The following TET2 variants were observed in gnomAD, a reference collection of about 807,000 sequenced individuals.
The protein encoded by TET2 is tet methylcytosine dioxygenase 2, also known as methylcytosine dioxygenase TET2.
TET2 carries 299 observed loss-of-function variants against 142.9 expected under a neutral mutation model. The observed-to-expected ratio is 2.09, with a 90% CI of 1.90 to 2.30. The LOEUF is 2.30. Among genes scored for constraint, TET2 ranks in the 30% most tolerant of loss-of-function variants. TET2 has a pLI of 0.00. For missense variants in TET2, 2,418 were observed against 2,378.0 expected (o/e 1.02, Z -0.35); for synonymous variants, 819 against 849.0 (o/e 0.96, Z 0.61).
rs1189370814 is a variant in TET2 at position 105,236,730 on chromosome 4, G to T, written c.2788G>T (p.Val930Leu). The T allele has an allele frequency of 6.2e-7, 1 of 1,614,080 alleles. No homozygotes were observed. Among genetic ancestry groups the T allele is most frequent in the Admixed American group, 1.7e-5 (1 of 59,996 alleles). The change falls in exon 3 of 11, where the codon GTG becomes TTG. Residue 930 changes from valine to leucine, a missense_variant. Physicochemically the swap from Val to Leu is conservative, Grantham distance 32. Transcript: ENST00000380013. The part of the protein sequence containing the change: ...LIHNHANVFP[V>L]PDQGGSHTQT... ...ACATAACCATGCAAATGTTTTTCCT[G>T]TGCCTGACCAGGGAGGAAGTCACAC...
chr4:105,227,472 A>G (rs183669722), intron 2 of TET2, among the ~76,000 whole-genome samples: 20 of 152,296 alleles, frequency 1.3e-4, no homozygotes, highest in Admixed American at 1.2e-3. Context: ...ACTCTTTTGC[A>G]TACAGTGAAT....
rs1377681856 is a variant in TET2, at chr4:105,234,696, A to C, written c.754A>C (p.Ile252Leu). The change falls in exon 3 of 11, where the codon ATT (isoleucine) becomes CTT (leucine). Residue 252 changes from isoleucine to leucine, a missense_variant. Ile to Leu is a conservative substitution (Grantham distance 5). Coordinates refer to ENST00000380013, the MANE Select transcript of TET2 (RefSeq NM_001127208.3). Reference sequence around the variant, plus strand: ...GAAAACCACATCTCACATAAATGCCATTAACAGTCAGGCTACTAATGAGTT... The same window carrying C: ...GAAAACCACATCTCACATAAATGCCCTTAACAGTCAGGCTACTAATGAGTT... ...VQKTTSHINA[I>L]NSQATNELSC... The C allele has an allele frequency of 6.2e-7, 1 of 1,613,974 alleles. No homozygotes were observed. The highest frequency in any genetic ancestry group is 8.5e-7 in the Non-Finnish European group (1 of 1,180,016).
At chr4:105,210,215 A>G (rs769409789) in intron 2 of TET2, among the ~76,000 whole-genome samples, 21 of 152,170 alleles carry the variant, frequency 1.4e-4, no homozygotes, top group Non-Finnish European at 2.4e-4. Context: ...ACTCTGCTGA[A>G]GGTTAGAAGT....
At position 105,237,189 on chromosome 4, in the gene TET2, C is replaced by T. The variant is rs2110237925; in HGVS notation, c.3247C>T (p.Gln1083Ter). ...TGATAGCCACACCCCAGCTTTAGAG[C>T]AGCAAACAACTTCTTCAGAAAAGAC... ...ELDSHTPALE[Q>*]QTTSSEKTPT... The change falls in exon 3 of 11, where the codon CAG becomes TAG. Residue 1083 changes from glutamine to a stop codon, truncating the protein, a stop_gained. Coordinates refer to ENST00000380013, the MANE Select transcript of TET2 (RefSeq NM_001127208.3). LOFTEE classifies it high-confidence loss of function. The T allele has an allele frequency of 1.2e-6, 2 of 1,614,106 alleles. No individual in the cohort carries two copies. Among genetic ancestry groups the T allele is most frequent in the Non-Finnish European group, 8.5e-7 (1 of 1,180,016 alleles).
intron 1 of TET2, chr4:105,172,676 G>A (rs1724542371): frequency 1.3e-5 from 2 of 152,142 alleles, no homozygotes; most frequent in South Asian, 4.1e-4. Context: ...TCAAATGCCT[G>A]TATGTTTATG....
At position 105,277,337 on chromosome 4, in the gene TET2, G is replaced by A. The variant is rs182228023; in HGVS notation, c.*818G>A. 62 of 223,682 alleles carry A rather than the reference G, an allele frequency of 2.8e-4. 1 individual carries two copies. The highest frequency in any genetic ancestry group is 1.4e-3 in the Middle Eastern group (1 of 732). The allele number at this position is 223,682 out of a possible 1,614,324, so 13.9% of individuals were successfully genotyped here. A position where few individuals can be genotyped will look rare whatever the true frequency, so the allele number is the denominator to read the frequency against. On this transcript the variant is annotated 3_prime_UTR_variant, in exon 11 of 11. Transcript: ENST00000380013. ...GTGAAGTCCTTGTAGGACAATAAACGTATATATGTACATATATACACAAAC... is the reference window on the plus strand; with the variant it reads ...GTGAAGTCCTTGTAGGACAATAAACATATATATGTACATATATACACAAAC...
intron 1 of TET2, among the ~76,000 whole-genome samples, chr4:105,180,661 A>C (rs1725066737): frequency 6.7e-6 from 1 of 148,758 alleles, no homozygotes; most frequent in Non-Finnish European, 1.5e-5. Flanking sequence ...TTTTTCTTGG[A>C]GACAGTCTCA....
At chr4:105,215,981 G>A (rs1166484802) in intron 2 of TET2, among the ~76,000 whole-genome samples, 2 of 152,108 alleles carry the variant, frequency 1.3e-5, no homozygotes, top group East Asian at 3.8e-4. Context: ...TGTGACTAAA[G>A]TACCTTTTCT....
intron 9 of TET2, among the ~76,000 whole-genome samples, chr4:105,270,541 A>G (rs1730900915): frequency 6.6e-6 from 1 of 152,234 alleles, no homozygotes; most frequent in African/African-American, 2.4e-5. Context: ...GAAACACATC[A>G]TCATTGTCAC....
At chr4:105,212,521 A>G (rs1336505953) in intron 2 of TET2, among the ~76,000 whole-genome samples, 2 of 152,154 alleles carry the variant, frequency 1.3e-5, no homozygotes, top group Admixed American at 6.6e-5. Flanking sequence ...ACATGCCTTA[A>G]ACTAGAGTAA....
intron 1 of TET2, among the ~76,000 whole-genome samples, chr4:105,185,018 C>T (rs550063070): frequency 5.9e-5 from 9 of 152,036 alleles, no homozygotes; most frequent in Non-Finnish European, 1.0e-4. Context: ...TTTTTTGTAA[C>T]GGAAGTGTTT....
rs78266895 is a variant in TET2 at position 105,207,034 on chromosome 4, G to T, written c.-47+16529G>T. ...CAAATTCGAGTTGAACTCTTCAAGT[G>T]AAGCTTCAGAGATATAAAAAACTTT... is the stretch of plus-strand genomic sequence containing the variant. On this transcript the variant is annotated intron_variant, in intron 2 of 10. Transcript: ENST00000380013. 0.017 allele frequency among the ~76,000 whole-genome samples: 2,582 copies of T among 152,218 alleles called. 142 individuals are homozygous for T. The East Asian group carries it at 0.17, about 10-fold the overall frequency.
intron 1 of TET2, among the ~76,000 whole-genome samples, chr4:105,160,667 T>A (rs1295402720): frequency 1.3e-5 from 2 of 152,260 alleles, no homozygotes; most frequent in African/African-American, 4.8e-5. Context: ...TCAGAGTCTC[T>A]GAAATGTAAT....
rs115102170 is a variant in TET2 at position 105,219,988 on chromosome 4, C to G, written c.-46-13909C>G. 7.5e-3 allele frequency among the ~76,000 whole-genome samples: 1,138 copies of G among 152,120 alleles called. 22 individuals are homozygous for G. The highest frequency in any genetic ancestry group is 0.026 in the African/African-American group (1,090 of 41,496). ...TTTCTCCTCATTAGAATATCAGGTCCAAGAAGACAGGAGTATTTATCTCTT... is the reference window on the plus strand; with the variant it reads ...TTTCTCCTCATTAGAATATCAGGTCGAAGAAGACAGGAGTATTTATCTCTT... On this transcript the variant is annotated intron_variant, in intron 2 of 10. Transcript: ENST00000380013.
intron 1 of TET2, among the ~76,000 whole-genome samples, chr4:105,172,112 G>A (rs1724503869): frequency 6.6e-6 from 1 of 152,162 alleles, no homozygotes; most frequent in Non-Finnish European, 1.5e-5. Flanking sequence ...AAGTAGGGAT[G>A]CGTGTGTGTG....
At chr4:105,164,610 C>CT (rs1022005224) in intron 1 of TET2, among the ~76,000 whole-genome samples, 1 of 152,198 alleles carries the variant, frequency 6.6e-6, no homozygotes, top group Admixed American at 6.5e-5. Flanking sequence ...ATGCTTTGAT[C>CT]TTTTTTTAAA....
intron 2 of TET2, among the ~76,000 whole-genome samples, chr4:105,197,768 C>A (rs918248515): frequency 6.6e-6 from 1 of 152,160 alleles, no homozygotes. Flanking sequence ...AAAATAAAAT[C>A]ATATATTCAC....
rs546830254 is a variant in TET2, at chr4:105,243,584, C to G, written c.3609C>G (p.Ser1203Arg). 138 of 1,551,550 alleles carry G rather than the reference C, an allele frequency of 8.9e-5. 1 individual carries two copies. In the Middle Eastern group the frequency reaches 5.0e-3, roughly 56 times the overall value. ...CPIAKWVVRR[S>R]SSEEKLLCLV... ...GATCCACGCAGGTGGTTCGCAGAAG[C>G]AGCAGTGAAGAGAAGCTACTGTGTT... is the stretch of plus-strand genomic sequence containing the variant. The change falls in exon 6 of 11, where the codon AGC (serine) becomes AGG (arginine). Residue 1203 changes from serine (S) to arginine (R), a missense_variant. By Grantham distance (110) the Ser-to-Arg change is moderately radical. Transcript: ENST00000380013.
chr4:105,259,868 TAATC>T, intron 7 of TET2, 99 bp downstream of exon 7: 1 of 1,213,530 alleles, frequency 8.2e-7, no homozygotes, highest in Non-Finnish European at 1.1e-6. Context: ...AAGCTCTTAT[TAATC>T]AAAGTTTTTC....
Sources: allele counts gnomAD v4.1 joint callset (sites outside exome capture counted in the v4.1 genomes callset), GRCh38; gene constraint gnomAD v4.1.1; transcripts MANE v1.5; gene names NCBI Gene and HGNC (gene_info 2026-07-23, HGNC 2026-07-21).